CHRM5: variants seen among roughly 807,000 people sequenced by gnomAD.
CHRM5 encodes the protein muscarinic acetylcholine receptor M5.
Under a neutral mutation model 39.0 loss-of-function variants are expected in CHRM5, and 18 were observed. That is an observed-to-expected ratio of 0.46 (90% CI 0.32 to 0.68). The LOEUF (loss-of-function observed/expected upper bound fraction) is 0.68. CHRM5 is among the 30% of genes least tolerant of loss of function. CHRM5 has a pLI of 0.04. For synonymous variants in CHRM5, 241 were observed against 246.3 expected, an observed-to-expected ratio of 0.98 and a Z score of 0.20; for missense variants, 515 against 651.1, an observed-to-expected ratio of 0.79 and a Z score of 2.28.
At chr15:34,017,487 T>TTTTG (rs1337236963) in intron 1 of CHRM5, among the ~76,000 whole-genome samples, 4 of 75,924 alleles carry the variant, frequency 5.3e-5, no homozygotes, top group African/African-American at 1.2e-4. Context: ...TTTTTTTGTT[T>TTTTG]TTTTTTTTTT....
chr15:34,064,564 A>T lies in CHRM5; in HGVS notation c.*248A>T, dbSNP rs919217184. 1.8e-6 allele frequency: 1 copy of T among 542,784 alleles called. No homozygotes were observed. The highest frequency in any genetic ancestry group is 3.4e-6 in the Non-Finnish European group (1 of 298,308). The allele number at this position is 542,784 out of a possible 1,614,324, so 33.6% of individuals were successfully genotyped here. On this transcript the variant is annotated 3_prime_UTR_variant, in exon 3 of 3. Transcript: ENST00000383263. The stretch of plus-strand genomic sequence containing the variant: ...GCCAGGGGAGTTTGCCAATGAAGTA[A>T]AGGGATAGGCTCATGGCCCTTCACA...
In CHRM5 at chr15:33,986,111, GTTTTTT is replaced by G. The variant is rs1364245668; in HGVS notation, c.-408+16962_-408+16967del. Reference sequence around the variant, plus strand: ...CTGTAAATTTTTTTTTTTGTTTTTTGTTTTTTGTTTTTTGAGATGGACTCTCGCTCT... The same window carrying G: ...CTGTAAATTTTTTTTTTTGTTTTTTGGTTTTTTGAGATGGACTCTCGCTCT... On this transcript the variant is annotated intron_variant, in intron 1 of 2. Coordinates refer to ENST00000383263, the MANE Select transcript of CHRM5 (RefSeq NM_012125.4). Among the ~76,000 whole-genome samples the G allele has an allele frequency of 4.1e-3, 11 of 2,704 alleles. No homozygotes were observed. The East Asian group carries it at 0.28, about 68-fold the overall frequency. The allele number at this position is 2,704 out of a possible 152,430, so 1.8% of individuals were successfully genotyped here.
At chr15:34,029,949 T>G (rs1303037129) in intron 1 of CHRM5, among the ~76,000 whole-genome samples, 1 of 152,086 alleles carries the variant, frequency 6.6e-6, no homozygotes, top group Non-Finnish European at 1.5e-5. Flanking sequence ...AACTCTAGAT[T>G]CACAATAGAA....
At chr15:34,061,906 G>C (rs1027633089) in intron 2 of CHRM5, among the ~76,000 whole-genome samples, 90 of 152,298 alleles carry the variant, frequency 5.9e-4, no homozygotes, top group African/African-American at 1.9e-3. Flanking sequence ...CTATAGAATA[G>C]ATACCACTTT....
chr15:34,054,646 G>C (rs1478964827), intron 2 of CHRM5, among the ~76,000 whole-genome samples: 1 of 152,078 alleles, frequency 6.6e-6, no homozygotes, highest in African/African-American at 2.4e-5. Context: ...AGAACACAAG[G>C]GCACATCCAG....
At position 33,988,336 on chromosome 15, in the gene CHRM5, G is replaced by A. The variant is rs1475086404; in HGVS notation, c.-408+19186G>A. On this transcript the variant is annotated intron_variant, in intron 1 of 2. Coordinates refer to ENST00000383263, the MANE Select transcript of CHRM5 (RefSeq NM_012125.4). ...CAACCTTGAAGCCAGGCATACTTAA[G>A]TTTGAATCCTGATTCTGCTACCTAA... 6.5e-4 allele frequency among the ~76,000 whole-genome samples: 99 copies of A among 152,168 alleles called. 1 individual carries two copies. The highest frequency in any genetic ancestry group is 2.9e-5 in the Non-Finnish European group (2 of 68,036).
chr15:34,060,381 C>G (rs1900294743), intron 2 of CHRM5, among the ~76,000 whole-genome samples: 2 of 152,088 alleles, frequency 1.3e-5, no homozygotes, highest in Non-Finnish European at 2.9e-5. Context: ...CAACTCGATT[C>G]CATATTGAAT....
At position 34,065,541 on chromosome 15, in the gene CHRM5, G is replaced by T. The variant is rs1460614433; in HGVS notation, c.*1225G>T. The T allele has an allele frequency of 6.6e-6, 1 of 152,064 alleles. No homozygotes were observed. Among genetic ancestry groups the T allele is most frequent in the African/African-American group, 2.4e-5 (1 of 41,368 alleles). The allele number at this position is 152,064 out of a possible 1,614,324, so 9.4% of individuals were successfully genotyped here. On this transcript the variant is annotated 3_prime_UTR_variant, in exon 3 of 3. Transcript: ENST00000383263. ...ACTTCTTTATTCCTCTCCAAATTCG[G>T]TCACAAATGAGAAGGCCAGAAAAGC... is the stretch of plus-strand genomic sequence containing the variant.
intron 2 of CHRM5, among the ~76,000 whole-genome samples, chr15:34,056,664 A>C (rs1286152617): frequency 6.6e-6 from 1 of 152,096 alleles, no homozygotes; most frequent in African/African-American, 2.4e-5. Context: ...GGCTCTCCTC[A>C]AGGTTGTTCT....
intron 1 of CHRM5, chr15:34,038,728 C>T: frequency 8.8e-7 from 1 of 1,132,728 alleles, no homozygotes; most frequent in Non-Finnish European, 1.1e-6. Flanking sequence ...GGCCTCGGCC[C>T]CACTTGCCCC....
chr15:34,021,457 G>C (rs1233367392), intron 1 of CHRM5, among the ~76,000 whole-genome samples: 1 of 151,930 alleles, frequency 6.6e-6, no homozygotes, highest in Non-Finnish European at 1.5e-5. Flanking sequence ...AGCTAAGTTT[G>C]TATTTTTAGT....
chr15:34,015,430 C>T (rs1283064423), intron 1 of CHRM5, among the ~76,000 whole-genome samples: 2 of 151,678 alleles, frequency 1.3e-5, no homozygotes, highest in Non-Finnish European at 2.9e-5. Flanking sequence ...TGCAGTGAGC[C>T]GAGATCGCAC....
chr15:34,042,013 C>T (rs1205080652), intron 1 of CHRM5, among the ~76,000 whole-genome samples: 1 of 152,132 alleles, frequency 6.6e-6, no homozygotes, highest in East Asian at 1.9e-4. Context: ...CTGAGGTCCC[C>T]CTTCTAGCAC....
At chr15:33,977,643 A>T (rs1195315861) in intron 1 of CHRM5, among the ~76,000 whole-genome samples, 1 of 152,196 alleles carries the variant, frequency 6.6e-6, no homozygotes, top group East Asian at 1.9e-4. Context: ...TATGTCTGTG[A>T]AATTTTGAAC....
intron 1 of CHRM5, among the ~76,000 whole-genome samples, chr15:34,038,493 G>T (rs1232887285): frequency 1.3e-5 from 2 of 152,102 alleles, no homozygotes; most frequent in Non-Finnish European, 2.9e-5. Flanking sequence ...CACGGCCTTG[G>T]CCTCTGGGTT....
At chr15:33,977,835 GC>G (rs1185401293) in intron 1 of CHRM5, among the ~76,000 whole-genome samples, 2 of 152,062 alleles carry the variant, frequency 1.3e-5, no homozygotes, top group Non-Finnish European at 2.9e-5. Context: ...CACTTTGGAG[GC>G]CAAGGCAGGA....
intron 1 of CHRM5, among the ~76,000 whole-genome samples, chr15:33,976,809 A>C (rs1895908073): frequency 6.6e-6 from 1 of 152,184 alleles, no homozygotes; most frequent in Admixed American, 6.5e-5. Flanking sequence ...TCAGATCCCC[A>C]GCTGAACTTT....
At position 34,008,012 on chromosome 15, in the gene CHRM5, G is replaced by T. The variant is rs556615146; in HGVS notation, c.-407-38528G>T. On this transcript the variant is annotated intron_variant, in intron 1 of 2. Transcript: ENST00000383263. ...CCTTACTTTATCTTTGATTACATCT[G>T]CAAACAACCTATTTCCAAATAAGAT... is the stretch of plus-strand genomic sequence containing the variant. Among the ~76,000 whole-genome samples the T allele has an allele frequency of 9.7e-4, 148 of 152,130 alleles. 3 individuals are homozygous for T. Among genetic ancestry groups the T allele is most frequent in the Non-Finnish European group, 2.5e-4 (17 of 68,028 alleles).
intron 1 of CHRM5, among the ~76,000 whole-genome samples, chr15:34,005,508 T>C (rs1897304689): frequency 6.6e-6 from 1 of 152,180 alleles, no homozygotes; most frequent in African/African-American, 2.4e-5. Flanking sequence ...CTAAATATTT[T>C]TGGCTAAAAT....
Sources: gnomAD v4.1 joint callset for allele counts (sites outside exome capture counted in the v4.1 genomes callset) on GRCh38, gnomAD v4.1.1 for gene constraint, MANE v1.5 for transcripts, NCBI Gene and HGNC (gene_info 2026-07-23, HGNC 2026-07-21) for gene names.